The following FANK1 variants were observed in gnomAD, a reference collection of about 807,000 sequenced individuals.
FANK1 encodes fibronectin type 3 and ankyrin repeat domains protein 1.
FANK1 carries 44 observed loss-of-function variants against 45.3 expected under a neutral mutation model. The ratio of observed to expected loss-of-function variants is 0.97; its 90% CI spans 0.76 to 1.25. The LOEUF (loss-of-function observed/expected upper bound fraction) is 1.25. FANK1 is among the 50% of genes most tolerant of loss of function. The probability of loss-of-function intolerance (pLI) is 0.00; values close to 1 mark genes in which losing one functional copy is unlikely to be tolerated. For missense variants in FANK1, 391 were observed against 424.4 expected (o/e 0.92, Z 0.69); for synonymous variants, 149 against 152.5 (o/e 0.98, Z 0.17).
intron 1 of FANK1, among the ~76,000 whole-genome samples, chr10:125,902,029 G>T (rs370930083): frequency 6.6e-6 from 1 of 152,086 alleles, no homozygotes; most frequent in East Asian, 1.9e-4. Context: ...TGAGGCAGGA[G>T]AATTGCTTGA....
chr10:125,940,525 A>G (rs544204077), intron 1 of FANK1, among the ~76,000 whole-genome samples: 56 of 152,342 alleles, frequency 3.7e-4, no homozygotes, highest in African/African-American at 1.3e-3. Context: ...ATCTCAGAAT[A>G]GAACAAATGT....
At chr10:125,977,418 G>T (rs542090135) in intron 1 of FANK1, among the ~76,000 whole-genome samples, 1 of 152,226 alleles carries the variant, frequency 6.6e-6, no homozygotes, top group East Asian at 1.9e-4. Context: ...TAGGTGAATT[G>T]GTCAGTTGCT....
In FANK1 at chr10:125,900,155, A is replaced by G. The variant is rs1944911994; in HGVS notation, c.13+3500A>G. 5.2e-5 allele frequency among the ~76,000 whole-genome samples: 8 copies of G among 152,420 alleles called. No homozygotes were observed. The South Asian group carries it at 1.7e-3, about 32-fold the overall frequency. On this transcript the variant is annotated intron_variant, in intron 1 of 10. Coordinates refer to ENST00000368693, the MANE Select transcript of FANK1 (RefSeq NM_145235.5). ...CAGAATAATAGTAAGTCAATGATCCAAGAAATGACTTCCCAGGGAAAGGGC... is the reference window on the plus strand; with the variant it reads ...CAGAATAATAGTAAGTCAATGATCCGAGAAATGACTTCCCAGGGAAAGGGC...
At chr10:125,995,539 A>G (rs780308807) in intron 4 of FANK1, 41 bp downstream of exon 4, 12 of 1,566,762 alleles carry the variant, frequency 7.7e-6, no homozygotes, top group South Asian at 5.5e-5. Flanking sequence ...CCCCATGCCT[A>G]TAAAGTGCAT....
chr10:125,900,378 A>C (rs1164765135), intron 1 of FANK1, among the ~76,000 whole-genome samples: 21 of 151,316 alleles, frequency 1.4e-4, no homozygotes, highest in South Asian at 2.1e-4. Flanking sequence ...TTTTTTTGGA[A>C]AATAGTTCAA....
At chr10:125,976,627 T>C (rs1950869708) in intron 1 of FANK1, among the ~76,000 whole-genome samples, 1 of 151,982 alleles carries the variant, frequency 6.6e-6, no homozygotes, top group South Asian at 2.1e-4. Context: ...ATTGTAAATT[T>C]TTTTTTTTTC....
intron 1 of FANK1, among the ~76,000 whole-genome samples, chr10:125,952,219 G>A (rs1223013555): frequency 6.6e-6 from 1 of 152,042 alleles, no homozygotes; most frequent in African/African-American, 2.4e-5. Flanking sequence ...AGCGTGGTGT[G>A]TTTATAATTA....
At chr10:125,927,845 C>T (rs1947471348) in intron 1 of FANK1, among the ~76,000 whole-genome samples, 1 of 152,132 alleles carries the variant, frequency 6.6e-6, no homozygotes, top group Non-Finnish European at 1.5e-5. Flanking sequence ...TGTGCCCGGC[C>T]CTAAACTTTC....
intron 6 of FANK1, among the ~76,000 whole-genome samples, chr10:126,001,126 A>G (rs1161897059): frequency 1.3e-5 from 2 of 152,230 alleles, no homozygotes; most frequent in African/African-American, 4.8e-5. Context: ...CATTTTAGGA[A>G]ATAATCAGAA....
chr10:125,919,810 C>T lies in FANK1; in HGVS notation c.13+23155C>T, dbSNP rs116195776. Among the ~76,000 whole-genome samples the T allele has an allele frequency of 8.9e-3, 1,348 of 152,286 alleles. 15 individuals carry two copies. The highest frequency in any genetic ancestry group is 0.029 in the African/African-American group (1,210 of 41,558). On this transcript the variant is annotated intron_variant, in intron 1 of 10. Transcript: ENST00000368693. The stretch of plus-strand genomic sequence containing the variant: ...CTGGGCTTTCTAAGCAGCCCAAAAA[C>T]TCTAGATGATTTTACTTTTGTAATT...
At chr10:125,979,599 G>A (rs1008300392) in intron 1 of FANK1, among the ~76,000 whole-genome samples, 2 of 152,170 alleles carry the variant, frequency 1.3e-5, no homozygotes, top group African/African-American at 4.8e-5. Flanking sequence ...ATTTCTGTGA[G>A]CACTAGGGGA....
chr10:125,934,927 T>TG (rs1947995345), intron 1 of FANK1, among the ~76,000 whole-genome samples: 1 of 151,978 alleles, frequency 6.6e-6, no homozygotes, highest in Middle Eastern at 3.2e-3. Context: ...GATGGTGCCA[T>TG]GGGCCTGGCT....
chr10:125,962,487 G>A (rs1050811437), intron 1 of FANK1, among the ~76,000 whole-genome samples: 4 of 151,956 alleles, frequency 2.6e-5, no homozygotes, highest in African/African-American at 9.7e-5. Flanking sequence ...TTAGGTCACT[G>A]GTGCTCTTAA....
At chr10:125,911,953 G>A (rs1052233857) in intron 1 of FANK1, among the ~76,000 whole-genome samples, 34 of 152,130 alleles carry the variant, frequency 2.2e-4, no homozygotes, top group African/African-American at 6.3e-4. Context: ...AGTTAGAGGG[G>A]AAAAAATGCG....
intron 6 of FANK1, among the ~76,000 whole-genome samples, chr10:126,003,265 C>T (rs1164045103): frequency 1.3e-5 from 2 of 151,994 alleles, no homozygotes; most frequent in Admixed American, 1.3e-4. Flanking sequence ...TAAAGACAGG[C>T]TTAAGGGCTC....
At chr10:125,940,411 A>C (rs980655056) in intron 1 of FANK1, among the ~76,000 whole-genome samples, 5 of 152,184 alleles carry the variant, frequency 3.3e-5, no homozygotes, top group Admixed American at 2.0e-4. Flanking sequence ...CACGTAGGCC[A>C]GATTTATGCT....
rs746944437 is a variant in FANK1, at chr10:126,005,014, A to G, written c.670A>G (p.Ser224Gly). ...CTGGGCTGCAGATGGAGGCCACTGC[A>G]GTGTGATTGAGTGGATGATAAAGGA... is the stretch of plus-strand genomic sequence containing the variant. ...LHWAADGGHCSVIEWMIKDGC... is the reference protein window; with the variant it reads ...LHWAADGGHCGVIEWMIKDGC... The change falls in exon 7 of 11, where the codon AGT becomes GGT. Residue 224 changes from serine to glycine, a missense_variant. Physicochemically the swap from Ser to Gly is moderately conservative, Grantham distance 56. Coordinates refer to ENST00000368693, the MANE Select transcript of FANK1 (RefSeq NM_145235.5). 2.5e-6 allele frequency: 4 copies of G among 1,614,118 alleles called. No homozygotes were observed. In the South Asian group the frequency reaches 4.4e-5, roughly 18 times the overall value.
At chr10:125,996,179 A>G (rs1301076594) in intron 4 of FANK1, among the ~76,000 whole-genome samples, 2 of 152,228 alleles carry the variant, frequency 1.3e-5, no homozygotes, top group African/African-American at 4.8e-5. Context: ...GTCTCCACCA[A>G]TACAGACTCA....
intron 1 of FANK1, among the ~76,000 whole-genome samples, chr10:125,954,073 T>C (rs1412661080): frequency 1.3e-5 from 2 of 152,260 alleles, no homozygotes; most frequent in African/African-American, 2.4e-5. Context: ...TGCTGTGTCC[T>C]ATCTCCACTG....
Sources: allele counts gnomAD v4.1 joint callset (sites outside exome capture counted in the v4.1 genomes callset), GRCh38; gene constraint gnomAD v4.1.1; transcripts MANE v1.5; gene names NCBI Gene and HGNC (gene_info 2026-07-23, HGNC 2026-07-21).